LLGL2: variants seen among roughly 807,000 people sequenced by gnomAD.
LLGL2 encodes LLGL2, scribble cell polarity complex component.
LLGL2 carries 81 observed loss-of-function variants against 123.2 expected under a neutral mutation model. That is an observed-to-expected ratio of 0.66 (90% CI 0.55 to 0.79). The LOEUF (loss-of-function observed/expected upper bound fraction) is 0.79, where lower values mean the gene tolerates loss of function less well. Ranked by LOEUF, LLGL2 falls within the 30% of genes least tolerant of loss-of-function variation. The pLI is 0.00. For synonymous variants in LLGL2, 577 were observed against 594.1 expected (o/e 0.97, Z 0.42); for missense variants, 1,273 against 1,414.6 (o/e 0.90, Z 1.61).
chr17:75,566,494 C>T (rs1351908401), intron 10 of LLGL2, among the ~76,000 whole-genome samples: 1 of 152,230 alleles, frequency 6.6e-6, no homozygotes, highest in Non-Finnish European at 1.5e-5. Flanking sequence ...TCAGGGCTCA[C>T]AGACTGTTGC....
At chr17:75,548,755 CAAA>C (rs35218854) in intron 2 of LLGL2, among the ~76,000 whole-genome samples, 69,758 of 131,960 alleles carry the variant, frequency 0.53, 17,296 homozygotes, top group African/African-American at 0.64. Context: ...GATTCTGTCT[CAAA>C]AAAAAAAAAA....
At chr17:75,529,877 A>C (rs1472317112) in intron 1 of LLGL2, among the ~76,000 whole-genome samples, 1 of 152,002 alleles carries the variant, frequency 6.6e-6, no homozygotes, top group African/African-American at 2.4e-5. Flanking sequence ...TAATAATAAT[A>C]ATTTTTAAAA....
chr17:75,539,534 G>A (rs1050769753), intron 1 of LLGL2, among the ~76,000 whole-genome samples: 5 of 151,172 alleles, frequency 3.3e-5, no homozygotes, highest in South Asian at 2.1e-4. Flanking sequence ...GTGAGCCACC[G>A]TGCCCAGCCC....
At chr17:75,535,656 C>T (rs758652017) in intron 1 of LLGL2, among the ~76,000 whole-genome samples, 1 of 152,246 alleles carries the variant, frequency 6.6e-6, no homozygotes. Context: ...CTCCGAGGCA[C>T]AATCGCATCT....
At chr17:75,552,651 T>A (rs1006926951) in intron 2 of LLGL2, among the ~76,000 whole-genome samples, 1 of 152,244 alleles carries the variant, frequency 6.6e-6, no homozygotes, top group African/African-American at 2.4e-5. Context: ...AAATCTTTTT[T>A]GGAAGTACTA....
At chr17:75,568,890 G>T in intron 12 of LLGL2, 51 bp downstream of exon 12, 1 of 1,564,280 alleles carries the variant, frequency 6.4e-7, no homozygotes, top group Non-Finnish European at 8.7e-7. Context: ...TATGTGGGGT[G>T]GGAGCAGAGC....
intron 1 of LLGL2, among the ~76,000 whole-genome samples, chr17:75,529,017 G>A (rs142539407): frequency 6.2e-4 from 91 of 147,642 alleles, no homozygotes; most frequent in Middle Eastern, 3.6e-3. Flanking sequence ...TTAGCCAGGC[G>A]TGGTGGTGAG....
At chr17:75,531,197 C>T (rs2053773064) in intron 1 of LLGL2, among the ~76,000 whole-genome samples, 1 of 152,180 alleles carries the variant, frequency 6.6e-6, no homozygotes, top group Admixed American at 6.5e-5. Flanking sequence ...GATGTCCTCT[C>T]CTGCCAGGAC....
At chr17:75,538,222 G>C (rs1473302968) in intron 1 of LLGL2, among the ~76,000 whole-genome samples, 1 of 152,198 alleles carries the variant, frequency 6.6e-6, no homozygotes, top group Non-Finnish European at 1.5e-5. Flanking sequence ...GCAGCCAACA[G>C]GGCCAAGGAG....
intron 12 of LLGL2, 22 bp from the exon 13 acceptor site, chr17:75,568,956 G>C: frequency 6.2e-7 from 1 of 1,603,222 alleles, no homozygotes; most frequent in East Asian, 2.2e-5. Flanking sequence ...TCTCACGCCT[G>C]GCAGGTGGGT....
intron 1 of LLGL2, among the ~76,000 whole-genome samples, chr17:75,531,357 A>C (rs1033224380): frequency 6.6e-6 from 1 of 152,138 alleles, no homozygotes. Context: ...CCGGGGAGCT[A>C]TTCGGCCTTC....
intron 6 of LLGL2, chr17:75,562,299 A>G (rs1175712881): frequency 6.6e-6 from 1 of 152,342 alleles, no homozygotes; most frequent in African/African-American, 2.4e-5. Flanking sequence ...AATGCACTGA[A>G]TATGAATGTA....
intron 19 of LLGL2, among the ~76,000 whole-genome samples, chr17:75,572,403 C>T (rs1418392409): frequency 2.0e-5 from 3 of 152,144 alleles, no homozygotes; most frequent in African/African-American, 7.2e-5. Context: ...GTGGCTCATG[C>T]CTGTAATCCC....
intron 2 of LLGL2, among the ~76,000 whole-genome samples, chr17:75,553,165 C>T (rs1420116963): frequency 6.6e-6 from 1 of 152,240 alleles, no homozygotes; most frequent in Non-Finnish European, 1.5e-5. Flanking sequence ...CTATCCAGGG[C>T]TTCTCCAGGC....
intron 1 of LLGL2, among the ~76,000 whole-genome samples, chr17:75,542,161 A>G (rs1598533853): frequency 1.3e-5 from 2 of 152,160 alleles, no homozygotes; most frequent in South Asian, 4.1e-4. Context: ...ATCCTATCAT[A>G]TGCAAAGTCC....
chr17:75,532,031 T>C (rs1442698764), intron 1 of LLGL2, among the ~76,000 whole-genome samples: 1 of 144,620 alleles, frequency 6.9e-6, no homozygotes, highest in Non-Finnish European at 1.5e-5. Flanking sequence ...CATATGACTG[T>C]AATAAATTAT....
intron 8 of LLGL2, 40 bp from the exon 9 acceptor site, chr17:75,563,712 G>GACGC (rs1265597899): frequency 1.2e-6 from 2 of 1,610,748 alleles, no homozygotes; most frequent in African/African-American, 2.7e-5. Flanking sequence ...ACTTGTCTGA[G>GACGC]AGTTTGAGGA....
intron 6 of LLGL2, among the ~76,000 whole-genome samples, chr17:75,560,299 T>C (rs1205218386): frequency 6.6e-6 from 1 of 152,170 alleles, no homozygotes; most frequent in Non-Finnish European, 1.5e-5. Context: ...GCAGAACACT[T>C]TGCAGGATGA....
At chr17:75,571,600 C>A (rs2055709354) in intron 17 of LLGL2, 67 bp from the exon 18 acceptor site, 2 of 1,206,932 alleles carry the variant, frequency 1.7e-6, no homozygotes, top group African/African-American at 1.5e-5. Context: ...GGGAGTAAAC[C>A]CTGGTTGCCC....
Sources: allele counts gnomAD v4.1 joint callset (sites outside exome capture counted in the v4.1 genomes callset), GRCh38; gene constraint gnomAD v4.1.1; transcripts MANE v1.5; gene names NCBI Gene and HGNC (gene_info 2026-07-23, HGNC 2026-07-21).